The following AFF2 variants were observed in gnomAD, a reference collection of about 807,000 sequenced individuals.
AFF2 encodes ALF transcription elongation factor 2.
Under a neutral mutation model 76.9 loss-of-function variants are expected in AFF2, and 14 were observed. The ratio of observed to expected loss-of-function variants is 0.18; its 90% CI spans 0.12 to 0.28. The LOEUF (loss-of-function observed/expected upper bound fraction) is 0.28. AFF2 is among the 10% of genes least tolerant of loss of function. The pLI is 1.00. For missense variants in AFF2, 868 were observed against 1,001.1 expected (o/e 0.87, Z 1.79); for synonymous variants, 398 against 366.7 (o/e 1.09, Z -0.98).
At chrX:148,657,586 A>T (rs1415019955) in intron 2 of AFF2, among the ~76,000 whole-genome samples, 2 of 111,998 alleles carry the variant, frequency 1.8e-5, no homozygotes, top group East Asian at 2.8e-4. Context: ...AGGCAAAAAA[A>T]CTTAAATGAG....
intron 12 of AFF2, among the ~76,000 whole-genome samples, chrX:148,962,014 G>A (rs1339309781): frequency 3.6e-5 from 4 of 112,455 alleles, no homozygotes; most frequent in African/African-American, 1.3e-4. Context: ...CAGTTTGAAA[G>A]CACGGGAGTA....
At chrX:148,638,152 A>C (rs181866012) in intron 1 of AFF2, among the ~76,000 whole-genome samples, 1 of 112,116 alleles carries the variant, frequency 8.9e-6, no homozygotes, top group Admixed American at 9.5e-5. Flanking sequence ...GTATTAGTCT[A>C]TTATTGTATT....
At chrX:148,821,379 G>A (rs1557272535) in intron 4 of AFF2, among the ~76,000 whole-genome samples, 1 of 110,668 alleles carries the variant, frequency 9.0e-6, no homozygotes, top group Non-Finnish European at 1.9e-5. Context: ...TTCAATAGAG[G>A]CACTGTGCTC....
chrX:148,852,480 C>A (rs868965345), intron 7 of AFF2, among the ~76,000 whole-genome samples: 4 of 99,686 alleles, frequency 4.0e-5, no homozygotes, highest in African/African-American at 1.1e-4. Flanking sequence ...AAAGAAAAAT[C>A]TTTTAAAGTA....
At chrX:148,692,979 C>T (rs1292191624) in intron 3 of AFF2, among the ~76,000 whole-genome samples, 4 of 110,783 alleles carry the variant, frequency 3.6e-5, no homozygotes, top group African/African-American at 1.3e-4. Context: ...AGTGCAGTGG[C>T]GCGATCTCGG....
In AFF2 at chrX:148,832,155, G is replaced by T. The variant is rs1168547579; in HGVS notation, c.1087-5492G>T. Among the ~76,000 whole-genome samples, 7 of 111,270 alleles carry T rather than the reference G, an allele frequency of 6.3e-5. No individual in the cohort carries two copies. The Admixed American group carries it at 6.7e-4, about 11-fold the overall frequency. Reference sequence around the variant, plus strand: ...TGTAAAGCAAAACTAAAAAATAAAAGAAGAAAGGAAAAGAAAAACTGAAGG... The same window carrying T: ...TGTAAAGCAAAACTAAAAAATAAAATAAGAAAGGAAAAGAAAAACTGAAGG... On this transcript the variant is annotated intron_variant, in intron 4 of 20. Coordinates refer to ENST00000370460, the MANE Select transcript of AFF2 (RefSeq NM_002025.4).
At chrX:148,658,112 T>C (rs1466066376) in intron 2 of AFF2, among the ~76,000 whole-genome samples, 1 of 112,027 alleles carries the variant, frequency 8.9e-6, no homozygotes, top group African/African-American at 3.3e-5. Context: ...CTACTAATTA[T>C]GTGCTGATTG....
intron 1 of AFF2, among the ~76,000 whole-genome samples, chrX:148,571,391 G>T (rs1473947555): frequency 2.7e-5 from 3 of 111,246 alleles, no homozygotes; most frequent in African/African-American, 9.8e-5. Context: ...GCTTGGACTG[G>T]TCTCTACTCT....
At chrX:148,557,580 AAG>A (rs1179327860) in intron 1 of AFF2, among the ~76,000 whole-genome samples, 2 of 111,482 alleles carry the variant, frequency 1.8e-5, no homozygotes, top group African/African-American at 6.5e-5. Context: ...AAGAGAGAGA[AAG>A]AGAGAGAGCA....
At chrX:148,842,932 C>T in intron 5 of AFF2, 34 bp from the exon 6 acceptor site, 1 of 1,122,817 alleles carries the variant, frequency 8.9e-7, no homozygotes, top group Non-Finnish European at 1.2e-6. Flanking sequence ...TGTCATTTAA[C>T]TAATGTTTGT....
At chrX:148,910,968 C>T (rs1276117193) in intron 9 of AFF2, among the ~76,000 whole-genome samples, 1 of 111,170 alleles carries the variant, frequency 9.0e-6, no homozygotes, top group Admixed American at 9.6e-5. Flanking sequence ...CATGGACATT[C>T]CACTTCTTTA....
intron 13 of AFF2, among the ~76,000 whole-genome samples, chrX:148,964,261 A>C (rs1313503097): frequency 8.9e-6 from 1 of 112,062 alleles, no homozygotes; most frequent in Non-Finnish European, 1.9e-5. Context: ...AGAATATAAA[A>C]TAGCTGGTGA....
chrX:148,536,472 G>T (rs1603234731), intron 1 of AFF2, among the ~76,000 whole-genome samples: 1 of 111,256 alleles, frequency 9.0e-6, no homozygotes, highest in East Asian at 2.8e-4. Flanking sequence ...CGATATAGAG[G>T]CCCAAACTTT....
At chrX:148,658,469 G>A (rs1192137531) in intron 2 of AFF2, among the ~76,000 whole-genome samples, 2 of 112,007 alleles carry the variant, frequency 1.8e-5, no homozygotes, top group African/African-American at 6.5e-5. Flanking sequence ...GTGCAAGAAA[G>A]CTGCACGCCT....
intron 9 of AFF2, among the ~76,000 whole-genome samples, chrX:148,919,795 A>G (rs1445738381): frequency 1.8e-5 from 2 of 111,798 alleles, no homozygotes; most frequent in Non-Finnish European, 3.8e-5. Context: ...AATGTGATCC[A>G]TAATATAATC....
At chrX:148,723,637 C>G (rs1462245307) in intron 3 of AFF2, among the ~76,000 whole-genome samples, 1 of 112,071 alleles carries the variant, frequency 8.9e-6, no homozygotes, top group African/African-American at 3.2e-5. Context: ...GCAAGTTAAT[C>G]TTCCAGTGTC....
intron 3 of AFF2, among the ~76,000 whole-genome samples, chrX:148,708,702 A>C (rs1197645854): frequency 5.3e-5 from 6 of 112,236 alleles, no homozygotes; most frequent in African/African-American, 1.6e-4. Flanking sequence ...TGATAGAGTG[A>C]GACTCCGTCT....
intron 9 of AFF2, among the ~76,000 whole-genome samples, chrX:148,950,021 G>A (rs1310914668): frequency 8.9e-6 from 1 of 112,582 alleles, no homozygotes; most frequent in African/African-American, 3.2e-5. Flanking sequence ...AGCAGAAGTG[G>A]AAATTTAACT....
chrX:148,657,076 C>A (rs980813907), intron 2 of AFF2, among the ~76,000 whole-genome samples: 3 of 111,052 alleles, frequency 2.7e-5, no homozygotes, highest in African/African-American at 9.8e-5. Flanking sequence ...TCTTCATAGC[C>A]CAATGAGAAT....
Sources: gnomAD v4.1 joint callset for allele counts (sites outside exome capture counted in the v4.1 genomes callset) on GRCh38, gnomAD v4.1.1 for gene constraint, MANE v1.5 for transcripts, NCBI Gene and HGNC (gene_info 2026-07-23, HGNC 2026-07-21) for gene names.